SLC13A3: variants seen among roughly 807,000 people sequenced by gnomAD.
SLC13A3 encodes the protein Na(+)/dicarboxylate cotransporter 3.
Under a neutral mutation model 59.0 loss-of-function variants are expected in SLC13A3, and 40 were observed. That is an observed-to-expected ratio of 0.68 (90% CI 0.53 to 0.88). SLC13A3 has a LOEUF of 0.88. Ranked by LOEUF, SLC13A3 falls within the 40% of genes least tolerant of loss-of-function variation. SLC13A3 has a pLI of 0.00. For missense variants in SLC13A3, 699 were observed against 783.2 expected (o/e 0.89, Z 1.28); for synonymous variants, 317 against 330.3 (o/e 0.96, Z 0.44).
intron 9 of SLC13A3, chr20:46,582,917 T>C: frequency 3.0e-6 from 3 of 985,338 alleles, no homozygotes; most frequent in Non-Finnish European, 3.6e-6. Flanking sequence ...TACAACATTT[T>C]GGTTAGAGGT....
intron 2 of SLC13A3, 147 bp from the exon 3 acceptor site, chr20:46,610,756 A>T (rs1417053035): frequency 3.0e-6 from 2 of 665,172 alleles, no homozygotes; most frequent in Non-Finnish European, 5.0e-6. Flanking sequence ...TCCACTCACC[A>T]GGTTTATTTT....
chr20:46,612,942 A>G (rs2062514285), intron 2 of SLC13A3, among the ~76,000 whole-genome samples: 3 of 152,156 alleles, frequency 2.0e-5, no homozygotes. Context: ...GCAGGTAAAT[A>G]GCAAACAAGA....
chr20:46,666,996 A>G (rs1230359823), intron 1 of SLC13A3, among the ~76,000 whole-genome samples: 4 of 152,118 alleles, frequency 2.6e-5, no homozygotes, highest in Non-Finnish European at 4.4e-5. Context: ...ACTACGAGAT[A>G]GCAAGAGAAA....
intron 11 of SLC13A3, among the ~76,000 whole-genome samples, chr20:46,565,567 G>T (rs1182368470): frequency 6.6e-6 from 1 of 152,074 alleles, no homozygotes; most frequent in Admixed American, 6.5e-5. Flanking sequence ...CAAGCAATCT[G>T]CCTGCTTCAG....
intron 1 of SLC13A3, among the ~76,000 whole-genome samples, chr20:46,679,915 A>C (rs991538797): frequency 2.0e-5 from 3 of 152,110 alleles, no homozygotes; most frequent in African/African-American, 7.2e-5. Context: ...CTCAAAAAAA[A>C]AAAAAAAGAG....
Position 46,632,454 on chromosome 20 carries a change from C to A in SLC13A3, c.112-18729G>T, listed in dbSNP as rs555028951. ...GGGACATTGCCTGGAAGAAGGCCAG[C>A]CCCCAAGGGGGAAAAAAAAAAAAAG... On this transcript the variant is annotated intron_variant, in intron 1 of 12. Transcript: ENST00000279027. Among the ~76,000 whole-genome samples the A allele has an allele frequency of 8.7e-5, 8 of 91,920 alleles. No individual in the cohort carries two copies. In the South Asian group the frequency reaches 3.7e-3, roughly 43 times the overall value. The allele number at this position is 91,920 out of a possible 152,430, so 60.3% of individuals were successfully genotyped here. A position where few individuals can be genotyped will look rare whatever the true frequency, so the allele number is the denominator to read the frequency against.
intron 10 of SLC13A3, among the ~76,000 whole-genome samples, chr20:46,566,722 G>A (rs1242368115): frequency 6.6e-6 from 1 of 151,904 alleles, no homozygotes; most frequent in Non-Finnish European, 1.5e-5. Context: ...ACCCTCAGTA[G>A]TAAAACTTCT....
At position 46,624,771 on chromosome 20, in the gene SLC13A3, G is replaced by C. The variant is rs541623759; in HGVS notation, c.112-11046C>G. Among the ~76,000 whole-genome samples, 9 of 152,340 alleles carry C rather than the reference G, an allele frequency of 5.9e-5. No homozygotes were observed. The East Asian group carries it at 1.7e-3, about 29-fold the overall frequency. ...CCAACATTCCAAAGATGTGAGGAGG[G>C]AAAGCCCAAGTATTTCTAAAGACCA... On this transcript the variant is annotated intron_variant, in intron 1 of 12. Coordinates refer to ENST00000279027, the MANE Select transcript of SLC13A3 (RefSeq NM_022829.6).
intron 1 of SLC13A3, among the ~76,000 whole-genome samples, chr20:46,640,689 G>A (rs1319380471): frequency 1.3e-5 from 2 of 152,180 alleles, no homozygotes; most frequent in East Asian, 1.9e-4. Flanking sequence ...GTGACCTCAT[G>A]TGGCTCTTCC....
At chr20:46,567,682 C>A (rs181846941) in intron 10 of SLC13A3, among the ~76,000 whole-genome samples, 16 of 152,276 alleles carry the variant, frequency 1.1e-4, no homozygotes, top group African/African-American at 3.9e-4. Context: ...GCTCTCTCTG[C>A]TGACTTCTCC....
chr20:46,664,429 C>A (rs996965733), intron 1 of SLC13A3, among the ~76,000 whole-genome samples: 1 of 152,106 alleles, frequency 6.6e-6, no homozygotes, highest in South Asian at 2.1e-4. Flanking sequence ...GAATACCTAC[C>A]AGACTTGGTT....
At chr20:46,681,616 A>C (rs1039072375) in intron 1 of SLC13A3, 3 of 152,264 alleles carry the variant, frequency 2.0e-5, no homozygotes, top group Non-Finnish European at 4.4e-5. Flanking sequence ...TAGTTCCCCA[A>C]GAGGTTCAGG....
chr20:46,631,787 T>C (rs1303366936), intron 1 of SLC13A3, among the ~76,000 whole-genome samples: 1 of 151,538 alleles, frequency 6.6e-6, no homozygotes, highest in African/African-American at 2.4e-5. Context: ...GAGAGACGGG[T>C]GGAGAGAGAG....
intron 10 of SLC13A3, among the ~76,000 whole-genome samples, chr20:46,574,816 G>A (rs2062058921): frequency 6.8e-6 from 1 of 146,048 alleles, no homozygotes; most frequent in African/African-American, 2.5e-5. Flanking sequence ...GAGTTAACGT[G>A]TAAAGCATGT....
chr20:46,631,692 C>A (rs1238746894), intron 1 of SLC13A3, among the ~76,000 whole-genome samples: 2 of 152,086 alleles, frequency 1.3e-5, no homozygotes, highest in East Asian at 3.9e-4. Flanking sequence ...CCTTATAATC[C>A]CCCCACCAAA....
intron 1 of SLC13A3, among the ~76,000 whole-genome samples, chr20:46,650,264 C>A (rs1440751072): frequency 6.6e-6 from 1 of 152,072 alleles, no homozygotes; most frequent in Non-Finnish European, 1.5e-5. Flanking sequence ...CTGAAAACAG[C>A]TAGGGTTCTG....
At chr20:46,579,698 A>G (rs551892684) in intron 9 of SLC13A3, among the ~76,000 whole-genome samples, 25 of 152,290 alleles carry the variant, frequency 1.6e-4, no homozygotes, top group African/African-American at 6.0e-4. Context: ...CTTAACACAC[A>G]TGTTTTAGTG....
chr20:46,640,877 G>A (rs924150577), intron 1 of SLC13A3, among the ~76,000 whole-genome samples: 5 of 152,168 alleles, frequency 3.3e-5, no homozygotes, highest in African/African-American at 1.2e-4. Flanking sequence ...AGTTGGGTCA[G>A]GAAACACGAT....
intron 5 of SLC13A3, 66 bp downstream of exon 5, chr20:46,596,091 G>A (rs747777306): frequency 2.5e-5 from 37 of 1,451,274 alleles, no homozygotes; most frequent in South Asian, 5.1e-5. Context: ...CCTGGATGTT[G>A]AATGAAGGAG....
Sources: gnomAD v4.1 joint callset for allele counts (sites outside exome capture counted in the v4.1 genomes callset) on GRCh38, gnomAD v4.1.1 for gene constraint, MANE v1.5 for transcripts, NCBI Gene and HGNC (gene_info 2026-07-23, HGNC 2026-07-21) for gene names.